The following CNTNAP2 variants were observed in gnomAD, a reference collection of about 807,000 sequenced individuals.
CNTNAP2 encodes contactin-associated protein-like 2.
In CNTNAP2, 98 loss-of-function variants were observed where a neutral mutation model predicts 155.2. The ratio of observed to expected loss-of-function variants is 0.63; its 90% CI spans 0.54 to 0.75. The LOEUF is 0.75. CNTNAP2 is among the 30% of genes least tolerant of loss of function. The probability of loss-of-function intolerance (pLI) is 0.00; values close to 1 mark genes in which losing one functional copy is unlikely to be tolerated. For missense variants in CNTNAP2, 1,727 were observed against 1,688.1 expected (o/e 1.02, Z -0.40); for synonymous variants, 651 against 631.2 (o/e 1.03, Z -0.47).
chr7:147,392,374 C>G (rs1176174932), intron 9 of CNTNAP2, among the ~76,000 whole-genome samples: 2 of 150,134 alleles, frequency 1.3e-5, no homozygotes, highest in Non-Finnish European at 3.0e-5. Flanking sequence ...TTTTTATTTC[C>G]ATAGGTTTTT....
At chr7:146,899,263 C>T (rs1795943915) in intron 3 of CNTNAP2, among the ~76,000 whole-genome samples, 1 of 152,168 alleles carries the variant, frequency 6.6e-6, no homozygotes, top group South Asian at 2.1e-4. Flanking sequence ...ATCTCCATTA[C>T]AATCCCATTT....
At chr7:148,219,311 A>G (rs976252107) in intron 19 of CNTNAP2, among the ~76,000 whole-genome samples, 2 of 152,066 alleles carry the variant, frequency 1.3e-5, no homozygotes, top group Non-Finnish European at 2.9e-5. Flanking sequence ...CTCACTTCCC[A>G]TTGGAGCCGA....
chr7:148,413,943 G>C (rs571515243), intron 23 of CNTNAP2, among the ~76,000 whole-genome samples: 88 of 152,182 alleles, frequency 5.8e-4, no homozygotes, highest in African/African-American at 2.0e-3. Context: ...TAAAGTTCAT[G>C]TCTTGTAGAT....
chr7:146,696,716 T>C (rs1800788700), intron 1 of CNTNAP2, among the ~76,000 whole-genome samples: 1 of 152,180 alleles, frequency 6.6e-6, no homozygotes, highest in Non-Finnish European at 1.5e-5. Context: ...TGAAAAGTTG[T>C]ATTTTAATTT....
Position 146,414,353 on chromosome 7 carries a change from T to C in CNTNAP2, c.97+297380T>C, listed in dbSNP as rs565480255. On this transcript the variant is annotated intron_variant, in intron 1 of 23. Transcript: ENST00000361727. ...CCACATAGGATTGTTTTAAATTACA[T>C]TTTGCTGTGTTTCTGCTTTTAGAAG... Among the ~76,000 whole-genome samples, 3 of 152,274 alleles carry C rather than the reference T, an allele frequency of 2.0e-5. No individual in the cohort carries two copies. In the East Asian group the frequency reaches 5.8e-4, roughly 29 times the overall value.
At chr7:147,341,600 T>A (rs1175309601) in intron 9 of CNTNAP2, among the ~76,000 whole-genome samples, 1 of 152,034 alleles carries the variant, frequency 6.6e-6, no homozygotes, top group Non-Finnish European at 1.5e-5. Flanking sequence ...GGTTTTAGAA[T>A]CAGAAAATAT....
chr7:147,384,645 A>G (rs542453089), intron 9 of CNTNAP2, among the ~76,000 whole-genome samples: 3 of 152,334 alleles, frequency 2.0e-5, no homozygotes, highest in East Asian at 1.9e-4. Context: ...TCTCATCAAT[A>G]ATCCATAGAG....
At chr7:148,101,664 G>A (rs1485047930) in intron 15 of CNTNAP2, among the ~76,000 whole-genome samples, 1 of 151,978 alleles carries the variant, frequency 6.6e-6, no homozygotes, top group Non-Finnish European at 1.5e-5. Context: ...CTTGTTCTTC[G>A]TCCAGAGCCC....
At chr7:147,939,154 C>T (rs536430329) in intron 14 of CNTNAP2, among the ~76,000 whole-genome samples, 7 of 152,044 alleles carry the variant, frequency 4.6e-5, no homozygotes, top group East Asian at 1.9e-4. Flanking sequence ...AAAAGATGTT[C>T]GCATAAACTA....
chr7:147,220,158 C>G (rs915959708), intron 8 of CNTNAP2, among the ~76,000 whole-genome samples: 7 of 152,010 alleles, frequency 4.6e-5, no homozygotes, highest in Middle Eastern at 3.2e-3. Context: ...TCAACACATA[C>G]TTTTGGAGGG....
chr7:147,142,701 AT>A (rs1392974287), intron 8 of CNTNAP2, among the ~76,000 whole-genome samples: 1 of 152,176 alleles, frequency 6.6e-6, no homozygotes, highest in African/African-American at 2.4e-5. Flanking sequence ...ATGTATACAT[AT>A]GTAACTAACC....
chr7:147,266,729 G>C (rs1051330275), intron 8 of CNTNAP2, among the ~76,000 whole-genome samples: 4 of 152,142 alleles, frequency 2.6e-5, no homozygotes, highest in African/African-American at 7.2e-5. Flanking sequence ...TGTGGGAGTA[G>C]TTATAACCAG....
At chr7:148,383,624 A>C in intron 21 of CNTNAP2, 25 bp from the exon 22 acceptor site, 1 of 1,614,180 alleles carries the variant, frequency 6.2e-7, no homozygotes, top group Non-Finnish European at 8.5e-7. Flanking sequence ...GTCAAGTAAC[A>C]TTTTCATTTC....
intron 10 of CNTNAP2, among the ~76,000 whole-genome samples, chr7:147,476,062 T>G (rs769723341): frequency 4.6e-5 from 7 of 152,068 alleles, no homozygotes; most frequent in Non-Finnish European, 8.8e-5. Flanking sequence ...AATTTCAGAA[T>G]ATAATATCCC....
intron 1 of CNTNAP2, among the ~76,000 whole-genome samples, chr7:146,762,837 A>G (rs1802126884): frequency 6.6e-6 from 1 of 152,124 alleles, no homozygotes; most frequent in Admixed American, 6.6e-5. Flanking sequence ...TAAAACCTGC[A>G]GATTTCATGA....
Position 147,562,061 on chromosome 7 carries a change from A to C in CNTNAP2, c.1778-77A>C, listed in dbSNP as rs1168625826. On this transcript the variant is annotated intron_variant, in intron 11 of 23. Transcript: ENST00000361727. ...CTAACTAGTGGTTTGCTAGCATTGCAATATGCCACTGGGACATTTATCTGG... is the reference window on the plus strand; with the variant it reads ...CTAACTAGTGGTTTGCTAGCATTGCCATATGCCACTGGGACATTTATCTGG... 4 of 1,590,624 alleles carry C rather than the reference A, an allele frequency of 2.5e-6. No individual in the cohort carries two copies. In the African/African-American group the frequency reaches 5.4e-5, roughly 21 times the overall value.
chr7:147,940,497 A>G (rs913981951), intron 14 of CNTNAP2, among the ~76,000 whole-genome samples: 54 of 152,018 alleles, frequency 3.6e-4, no homozygotes, highest in African/African-American at 1.3e-3. Flanking sequence ...TTCTACACAT[A>G]AAAGAGATTC....
chr7:146,646,784 C>T (rs1320634730), intron 1 of CNTNAP2, among the ~76,000 whole-genome samples: 1 of 152,118 alleles, frequency 6.6e-6, no homozygotes. Context: ...TAATCACATG[C>T]AAGAGAAGCT....
At chr7:147,364,729 G>C (rs922148892) in intron 9 of CNTNAP2, among the ~76,000 whole-genome samples, 1 of 151,896 alleles carries the variant, frequency 6.6e-6, no homozygotes, top group Non-Finnish European at 1.5e-5. Context: ...GGCACCTGTA[G>C]TCCCAGCTAC....
Sources: allele counts gnomAD v4.1 joint callset (sites outside exome capture counted in the v4.1 genomes callset), GRCh38; gene constraint gnomAD v4.1.1; transcripts MANE v1.5; gene names NCBI Gene and HGNC (gene_info 2026-07-23, HGNC 2026-07-21).